MAGI1: variants seen among roughly 807,000 people sequenced by gnomAD.
MAGI1 encodes the protein membrane-associated guanylate kinase, WW and PDZ domain-containing protein 1.
MAGI1 carries 58 observed loss-of-function variants against 139.9 expected under a neutral mutation model. The observed-to-expected ratio is 0.41, with a 90% confidence interval of 0.34 to 0.52. MAGI1 has a LOEUF of 0.52. Among genes scored for constraint, MAGI1 ranks in the 20% least tolerant of loss-of-function variants. MAGI1 has a pLI of 0.12. For synonymous variants in MAGI1, 812 were observed against 737.9 expected (o/e 1.10, Z -1.63); for missense variants, 1,874 against 1,901.6 (o/e 0.99, Z 0.27).
intron 1 of MAGI1, among the ~76,000 whole-genome samples, chr3:65,959,604 A>T (rs79481917): frequency 0.087 from 7,429 of 85,454 alleles, 252 homozygotes; most frequent in Middle Eastern, 0.14. Flanking sequence ...CAGCATTTTT[A>T]TTATTATTAT....
intron 1 of MAGI1, among the ~76,000 whole-genome samples, chr3:65,714,525 T>A (rs948395100): frequency 6.6e-6 from 1 of 152,106 alleles, no homozygotes; most frequent in South Asian, 2.1e-4. Context: ...ATGATGCTCA[T>A]GCCACTTGTT....
At chr3:65,681,867 TG>T (rs1328157225) in intron 1 of MAGI1, among the ~76,000 whole-genome samples, 8 of 152,150 alleles carry the variant, frequency 5.3e-5, no homozygotes, top group African/African-American at 9.7e-5. Context: ...GTTTTTTTGT[TG>T]TTTTTTTATT....
At chr3:65,485,698 G>A (rs775249078) in intron 3 of MAGI1, among the ~76,000 whole-genome samples, 2 of 152,138 alleles carry the variant, frequency 1.3e-5, no homozygotes, top group Non-Finnish European at 2.9e-5. Flanking sequence ...CATATTAAGT[G>A]TCACTACGCA....
chr3:65,436,995 GA>G (rs745395358), intron 10 of MAGI1, among the ~76,000 whole-genome samples, 159 bp downstream of exon 10: 37 of 152,048 alleles, frequency 2.4e-4, no homozygotes, highest in Admixed American at 7.2e-4. Context: ...AATTTTTCTT[GA>G]CAAGTCTAAC....
intron 1 of MAGI1, among the ~76,000 whole-genome samples, chr3:65,724,314 A>G (rs1447163032): frequency 6.6e-6 from 1 of 152,238 alleles, no homozygotes; most frequent in Non-Finnish European, 1.5e-5. Flanking sequence ...TTTTGTCAGA[A>G]TGGCTTGCTC....
intron 14 of MAGI1, among the ~76,000 whole-genome samples, chr3:65,390,505 C>T (rs962534052): frequency 1.3e-5 from 2 of 151,944 alleles, no homozygotes; most frequent in Non-Finnish European, 2.9e-5. Flanking sequence ...GAAATCATTT[C>T]ATAATAAAAA....
intron 12 of MAGI1, among the ~76,000 whole-genome samples, chr3:65,412,218 T>A (rs1053763069): frequency 1.3e-4 from 20 of 152,152 alleles, no homozygotes; most frequent in African/African-American, 4.6e-4. Flanking sequence ...TCCTTGCAAT[T>A]CTCTGGGCAT....
intron 1 of MAGI1, among the ~76,000 whole-genome samples, chr3:65,659,984 T>C (rs1318682227): frequency 6.6e-6 from 1 of 152,196 alleles, no homozygotes; most frequent in Non-Finnish European, 1.5e-5. Context: ...AGACACAAAT[T>C]ACAAGTTGGC....
intron 2 of MAGI1, chr3:65,619,958 A>G: frequency 1.3e-5 from 13 of 985,456 alleles, no homozygotes; most frequent in Non-Finnish European, 1.6e-5. Context: ...CAGCAAAAAC[A>G]AACATGATTT....
At chr3:65,462,553 G>A (rs192573198) in intron 5 of MAGI1, among the ~76,000 whole-genome samples, 43 of 152,314 alleles carry the variant, frequency 2.8e-4, no homozygotes, top group African/African-American at 1.0e-3. Flanking sequence ...CAGATAGCAT[G>A]ATGCCTCCAG....
intron 1 of MAGI1, among the ~76,000 whole-genome samples, chr3:65,891,381 C>T (rs527375238): frequency 1.6e-4 from 25 of 152,116 alleles, no homozygotes; most frequent in African/African-American, 5.5e-4. Flanking sequence ...ATATGCCAGG[C>T]GCTACCACCC....
intron 1 of MAGI1, among the ~76,000 whole-genome samples, chr3:66,023,247 G>C (rs570655305): frequency 1.3e-5 from 2 of 152,116 alleles, no homozygotes; most frequent in African/African-American, 4.8e-5. Context: ...AAATGGAGGG[G>C]GAAAGGGGAC....
At chr3:65,372,563 T>C (rs1052447886) in intron 18 of MAGI1, among the ~76,000 whole-genome samples, 1 of 152,198 alleles carries the variant, frequency 6.6e-6, no homozygotes, top group Non-Finnish European at 1.5e-5. Context: ...CAGCCAGTCC[T>C]TTGAAGCTTT....
chr3:65,579,129 T>C (rs959526749), intron 2 of MAGI1, among the ~76,000 whole-genome samples: 7 of 152,062 alleles, frequency 4.6e-5, no homozygotes, highest in African/African-American at 1.7e-4. Flanking sequence ...TGAATCACAT[T>C]GTCCAGCCCC....
At chr3:65,917,743 G>A (rs923941387) in intron 1 of MAGI1, among the ~76,000 whole-genome samples, 6 of 152,160 alleles carry the variant, frequency 3.9e-5, no homozygotes, top group East Asian at 1.9e-4. Flanking sequence ...AAGGCAAAAC[G>A]ATGGAGACAG....
chr3:65,605,892 G>C (rs1219804025), intron 2 of MAGI1, among the ~76,000 whole-genome samples: 1 of 152,156 alleles, frequency 6.6e-6, no homozygotes, highest in Non-Finnish European at 1.5e-5. Flanking sequence ...CCACAACCCA[G>C]AGAGGAGATC....
intron 1 of MAGI1, among the ~76,000 whole-genome samples, chr3:65,832,288 G>A (rs925630584): frequency 1.1e-4 from 16 of 152,156 alleles, no homozygotes; most frequent in Non-Finnish European, 2.4e-4. Flanking sequence ...TTATAATTTG[G>A]TTAAGCCCTT....
intron 1 of MAGI1, among the ~76,000 whole-genome samples, chr3:65,690,793 C>G (rs991214664): frequency 5.3e-5 from 8 of 152,010 alleles, no homozygotes; most frequent in Non-Finnish European, 1.2e-4. Context: ...CACATCCAGC[C>G]TAGATCTACA....
chr3:65,518,704 G>A (rs2078011296), intron 2 of MAGI1, among the ~76,000 whole-genome samples: 1 of 151,922 alleles, frequency 6.6e-6, no homozygotes, highest in Non-Finnish European at 1.5e-5. Flanking sequence ...ATCCTCTATG[G>A]TTTCAGCAAA....
Sources: allele counts gnomAD v4.1 joint callset (sites outside exome capture counted in the v4.1 genomes callset), GRCh38; gene constraint gnomAD v4.1.1; transcripts MANE v1.5; gene names NCBI Gene and HGNC (gene_info 2026-07-23, HGNC 2026-07-21).